The following DLGAP2 variants were observed in gnomAD, a reference collection of about 807,000 sequenced individuals.
DLGAP2 encodes DLG associated protein 2.
A neutral mutation model predicts 100.3 loss-of-function variants in DLGAP2; 26 were observed. That is an observed-to-expected ratio of 0.26 (90% CI 0.19 to 0.36). The LOEUF (loss-of-function observed/expected upper bound fraction) is 0.36, where lower values mean the gene tolerates loss of function less well. DLGAP2 is among the 10% of genes least tolerant of loss of function. The pLI, the probability that DLGAP2 is intolerant of heterozygous loss-of-function variation, is 1.00. For missense variants in DLGAP2, 1,858 were observed against 1,453.2 expected, an observed-to-expected ratio of 1.28 and a Z score of -4.53; for synonymous variants, 886 against 630.1, an observed-to-expected ratio of 1.41 and a Z score of -6.08.
chr8:1,221,566 A>C (rs995673868), intron 2 of DLGAP2, among the ~76,000 whole-genome samples: 2 of 151,802 alleles, frequency 1.3e-5, no homozygotes, highest in Non-Finnish European at 2.9e-5. Context: ...CCTGATGACT[A>C]TGTGTCCTGG....
intron 4 of DLGAP2, among the ~76,000 whole-genome samples, chr8:1,514,164 G>GAATT (rs1563194962): frequency 1.3e-5 from 2 of 152,242 alleles, no homozygotes; most frequent in African/African-American, 4.8e-5. Flanking sequence ...AGACATCTAG[G>GAATT]AATTCACAGT....
intron 2 of DLGAP2, among the ~76,000 whole-genome samples, chr8:1,161,291 A>T (rs544099095): frequency 3.9e-5 from 6 of 152,282 alleles, no homozygotes; most frequent in Admixed American, 3.3e-4. Context: ...CCTGGTGTGG[A>T]ACAGGCATGA....
intron 1 of DLGAP2, among the ~76,000 whole-genome samples, chr8:848,290 A>G (rs527836569): frequency 2.0e-5 from 3 of 151,498 alleles, no homozygotes; most frequent in Non-Finnish European, 4.4e-5. Context: ...GTGTTCCAAT[A>G]TAGAAACGTG....
intron 1 of DLGAP2, among the ~76,000 whole-genome samples, chr8:853,877 A>G (rs918883434): frequency 5.3e-5 from 8 of 152,082 alleles, no homozygotes; most frequent in Admixed American, 2.6e-4. Context: ...CTAACCCCCA[A>G]TGTGATGGTG....
At chr8:1,265,159 A>G (rs557633587) in intron 3 of DLGAP2, among the ~76,000 whole-genome samples, 1 of 152,250 alleles carries the variant, frequency 6.6e-6, no homozygotes, top group Admixed American at 6.5e-5. Flanking sequence ...CCAAAGCCCT[A>G]GAAGTAATAG....
chr8:829,901 C>T (rs1487002813), intron 1 of DLGAP2, among the ~76,000 whole-genome samples: 1 of 152,204 alleles, frequency 6.6e-6, no homozygotes, highest in Non-Finnish European at 1.5e-5. Flanking sequence ...GCGCACACCT[C>T]AGTTTATGTA....
intron 3 of DLGAP2, among the ~76,000 whole-genome samples, chr8:1,487,539 T>A (rs1279421613): frequency 1.6e-4 from 25 of 152,256 alleles, no homozygotes; most frequent in Non-Finnish European, 8.8e-5. Context: ...TTTAAAACAG[T>A]GCTACTGAAG....
intron 1 of DLGAP2, among the ~76,000 whole-genome samples, chr8:852,911 C>T (rs921325259): frequency 6.7e-6 from 1 of 148,672 alleles, no homozygotes; most frequent in Non-Finnish European, 1.5e-5. Context: ...ATTTCTGCAA[C>T]AGATTTTGGT....
intron 6 of DLGAP2, among the ~76,000 whole-genome samples, chr8:1,624,329 A>C (rs1377453117): frequency 6.6e-6 from 1 of 152,096 alleles, no homozygotes; most frequent in Non-Finnish European, 1.5e-5. Flanking sequence ...TTCTGCAAAG[A>C]CAAAGGTGAG....
rs1331382993 is a variant in DLGAP2 at position 1,170,583 on chromosome 8, G to C, written c.74-88268G>C. Among the ~76,000 whole-genome samples, 5 of 140,674 alleles carry C rather than the reference G, an allele frequency of 3.6e-5. 1 individual carries two copies. The highest frequency in any genetic ancestry group is 2.2e-4 in the Admixed American group (3 of 13,926). The allele number at this position is 140,674 out of a possible 152,430, so 92.3% of individuals were successfully genotyped here. A position where few individuals can be genotyped will look rare whatever the true frequency, so the allele number is the denominator to read the frequency against. On this transcript the variant is annotated intron_variant, in intron 2 of 14. Transcript: ENST00000637795. ...AGCTCCTGTTATTGGTCTATTCAGA[G>C]ATTCAGCTTCTTCCTGGTTTAGTCT...
chr8:1,183,770 A>C (rs1797442407), intron 2 of DLGAP2, among the ~76,000 whole-genome samples: 1 of 152,142 alleles, frequency 6.6e-6, no homozygotes, highest in African/African-American at 2.4e-5. Flanking sequence ...GCTCTTTTTG[A>C]ATCATAATTC....
intron 2 of DLGAP2, among the ~76,000 whole-genome samples, chr8:1,017,951 C>G (rs549385136): frequency 2.0e-5 from 3 of 152,344 alleles, no homozygotes; most frequent in Admixed American, 1.3e-4. Flanking sequence ...CTTGGGGCCA[C>G]TTTCCTAGTT....
At chr8:1,081,924 A>G (rs201016922) in intron 2 of DLGAP2, among the ~76,000 whole-genome samples, 6 of 152,070 alleles carry the variant, frequency 3.9e-5, no homozygotes, top group African/African-American at 1.2e-4. Flanking sequence ...TTACTCCCCA[A>G]TCAGGATGCC....
At chr8:1,135,736 C>G (rs545477735) in intron 2 of DLGAP2, among the ~76,000 whole-genome samples, 8 of 152,116 alleles carry the variant, frequency 5.3e-5, no homozygotes, top group Non-Finnish European at 8.8e-5. Flanking sequence ...GATCCCTAAG[C>G]TTACCGATGC....
intron 2 of DLGAP2, among the ~76,000 whole-genome samples, chr8:1,160,062 C>T (rs1796860321): frequency 6.6e-6 from 1 of 152,232 alleles, no homozygotes; most frequent in African/African-American, 2.4e-5. Context: ...GCCCCCACGG[C>T]ACCTCACAGG....
chr8:801,324 A>AT (rs1677453187), intron 1 of DLGAP2, among the ~76,000 whole-genome samples: 1 of 152,174 alleles, frequency 6.6e-6, no homozygotes, highest in Non-Finnish European at 1.5e-5. Context: ...GCAGCAGTGG[A>AT]CCTTAGGGCC....
intron 2 of DLGAP2, among the ~76,000 whole-genome samples, chr8:1,197,602 A>C (rs544447496): frequency 6.6e-6 from 1 of 151,460 alleles, no homozygotes; most frequent in Admixed American, 6.6e-5. Flanking sequence ...AGCGAAGCCA[A>C]TGTGGAGCAT....
At chr8:1,610,410 G>A (rs1296613737) in intron 6 of DLGAP2, among the ~76,000 whole-genome samples, 13 of 151,154 alleles carry the variant, frequency 8.6e-5, no homozygotes, top group African/African-American at 3.2e-4. Flanking sequence ...GAAATTTATA[G>A]CACTGAATGC....
intron 2 of DLGAP2, among the ~76,000 whole-genome samples, chr8:1,191,395 C>T (rs1055502232): frequency 6.6e-6 from 1 of 152,148 alleles, no homozygotes; most frequent in East Asian, 1.9e-4. Flanking sequence ...TGGTCTTGAT[C>T]TCCTGACCTT....
Sources: gnomAD v4.1 joint callset for allele counts (sites outside exome capture counted in the v4.1 genomes callset) on GRCh38, gnomAD v4.1.1 for gene constraint, MANE v1.5 for transcripts, NCBI Gene and HGNC (gene_info 2026-07-23, HGNC 2026-07-21) for gene names.